The following TMEM266 variants were observed in gnomAD, a reference collection of about 807,000 sequenced individuals.
TMEM266 encodes transmembrane protein 266.
In TMEM266, 33 loss-of-function variants were observed where a neutral mutation model predicts 50.5. The observed-to-expected ratio is 0.65, with a 90% CI of 0.50 to 0.87. TMEM266 has a LOEUF of 0.87. Among genes scored for constraint, TMEM266 ranks in the 40% least tolerant of loss-of-function variants. The pLI is 0.00. For missense variants in TMEM266, 655 were observed against 695.1 expected, an observed-to-expected ratio of 0.94 and a Z score of 0.65; for synonymous variants, 310 against 292.3, an observed-to-expected ratio of 1.06 and a Z score of -0.62.
At chr15:76,130,735 C>T (rs1226521275) in intron 1 of TMEM266, among the ~76,000 whole-genome samples, 1 of 152,094 alleles carries the variant, frequency 6.6e-6, no homozygotes, top group Non-Finnish European at 1.5e-5. Flanking sequence ...GAGTTAATAA[C>T]GTTGACGTTG....
intron 1 of TMEM266, among the ~76,000 whole-genome samples, chr15:76,092,711 T>C (rs933383613): frequency 3.3e-5 from 5 of 151,058 alleles, no homozygotes; most frequent in Admixed American, 3.3e-4. Flanking sequence ...ATAAATAATA[T>C]AGCTAATAGT....
intron 8 of TMEM266, among the ~76,000 whole-genome samples, chr15:76,176,941 A>G (rs939188829): frequency 3.3e-5 from 5 of 152,164 alleles, no homozygotes; most frequent in East Asian, 1.9e-4. Context: ...TGCCAAGTGG[A>G]GTCACCTGTC....
intron 1 of TMEM266, among the ~76,000 whole-genome samples, chr15:76,131,607 T>C (rs1187539111): frequency 6.6e-6 from 1 of 152,206 alleles, no homozygotes; most frequent in Non-Finnish European, 1.5e-5. Context: ...TATGGAATTT[T>C]ATAAGACTTA....
intron 4 of TMEM266, among the ~76,000 whole-genome samples, chr15:76,158,101 C>T (rs1381827712): frequency 1.3e-5 from 2 of 152,218 alleles, no homozygotes; most frequent in African/African-American, 2.4e-5. Flanking sequence ...GATCCAGTCA[C>T]CTCCAAACCC....
At chr15:76,126,514 C>T (rs928021851) in intron 1 of TMEM266, among the ~76,000 whole-genome samples, 4 of 151,194 alleles carry the variant, frequency 2.6e-5, no homozygotes, top group African/African-American at 4.9e-5. Context: ...AAATACTGCA[C>T]GATCTCACTT....
chr15:76,143,616 G>A (rs1023023742), intron 3 of TMEM266, among the ~76,000 whole-genome samples: 4 of 152,046 alleles, frequency 2.6e-5, no homozygotes, highest in Non-Finnish European at 5.9e-5. Context: ...TCGGCCTCCC[G>A]GAGTGCTGGG....
intron 1 of TMEM266, among the ~76,000 whole-genome samples, chr15:76,131,169 G>A (rs529261008): frequency 1.4e-3 from 210 of 152,308 alleles, no homozygotes; most frequent in African/African-American, 4.8e-3. Context: ...CTGAGATCAG[G>A]AGTTCGAGAC....
intron 1 of TMEM266, among the ~76,000 whole-genome samples, chr15:76,072,092 A>G (rs772452135): frequency 5.9e-5 from 9 of 152,062 alleles, no homozygotes; most frequent in Non-Finnish European, 1.3e-4. Context: ...CCACATTCAG[A>G]TGGTTATTAG....
chr15:76,148,605 T>C (rs1242208719), intron 3 of TMEM266, among the ~76,000 whole-genome samples: 2 of 152,166 alleles, frequency 1.3e-5, no homozygotes, highest in Admixed American at 1.3e-4. Context: ...ATGGCAGCCC[T>C]TCTGAGATGT....
At chr15:76,118,817 A>G (rs2142017333) in intron 1 of TMEM266, among the ~76,000 whole-genome samples, 1 of 152,350 alleles carries the variant, frequency 6.6e-6, no homozygotes, top group Admixed American at 6.5e-5. Context: ...GTAGAGTGTC[A>G]TCACGTAGTA....
intron 2 of TMEM266, among the ~76,000 whole-genome samples, chr15:76,136,347 C>T (rs117301981): frequency 0.011 from 1,727 of 152,334 alleles, 18 homozygotes; most frequent in Non-Finnish European, 0.019. Flanking sequence ...CTCCTCCGAT[C>T]TTCTCCATAT....
chr15:76,146,538 A>C (rs1031435299), intron 3 of TMEM266, among the ~76,000 whole-genome samples: 4 of 152,170 alleles, frequency 2.6e-5, no homozygotes, highest in Admixed American at 2.6e-4. Context: ...CATTTCTGCC[A>C]AACTTTACAT....
At chr15:76,090,536 G>T (rs1483260838) in intron 1 of TMEM266, among the ~76,000 whole-genome samples, 2 of 144,942 alleles carry the variant, frequency 1.4e-5, no homozygotes, top group African/African-American at 2.5e-5. Flanking sequence ...GTTGGGAAAA[G>T]AATGCAGAAC....
chr15:76,146,578 G>A (rs1369643119), intron 3 of TMEM266, among the ~76,000 whole-genome samples: 1 of 152,128 alleles, frequency 6.6e-6, no homozygotes, highest in African/African-American at 2.4e-5. Flanking sequence ...TGGGGGCACA[G>A]GGATATTTTT....
chr15:76,153,594 G>T lies in TMEM266; in HGVS notation c.228-3010G>T, dbSNP rs1228091695. Among the ~76,000 whole-genome samples the T allele has an allele frequency of 6.6e-6, 1 of 152,196 alleles. No individual in the cohort carries two copies. The highest frequency in any genetic ancestry group is 1.9e-4 in the East Asian group (1 of 5,190). On this transcript the variant is annotated intron_variant, in intron 3 of 10. Coordinates refer to ENST00000388942, the MANE Select transcript of TMEM266 (RefSeq NM_152335.3). The surrounding 1 kb of genome is among the most constrained non-coding windows in gnomAD (Gnocchi z 4.2). ...GGGCCCTAGAAAAGACCATGCTAGA[G>T]CTGTGGGGGAGGAGTGAGCAGGCAG...
chr15:76,107,577 CTG>C (rs1326036103), intron 1 of TMEM266, among the ~76,000 whole-genome samples: 1 of 152,192 alleles, frequency 6.6e-6, no homozygotes, highest in Non-Finnish European at 1.5e-5. Context: ...GAACCCAACT[CTG>C]AGTCCAGAGC....
rs530333761 is a variant in TMEM266 at position 76,161,060 on chromosome 15, G to A, written c.456+892G>A. On this transcript the variant is annotated intron_variant, in intron 5 of 10. Coordinates refer to ENST00000388942, the MANE Select transcript of TMEM266 (RefSeq NM_152335.3). The surrounding 1 kb of genome is among the most constrained non-coding windows in gnomAD (Gnocchi z 4.1). ...ACTGGAGGGTCACTGAAGGACAGGA[G>A]AGTTTCATGTGGAAAACTGGTTTCT... is the stretch of plus-strand genomic sequence containing the variant. Among the ~76,000 whole-genome samples the A allele has an allele frequency of 5.6e-4, 86 of 152,310 alleles. No homozygotes were observed. Among genetic ancestry groups the A allele is most frequent in the African/African-American group, 2.0e-3 (82 of 41,560 alleles).
At chr15:76,125,039 C>G (rs1404011611) in intron 1 of TMEM266, among the ~76,000 whole-genome samples, 1 of 152,036 alleles carries the variant, frequency 6.6e-6, no homozygotes, top group Non-Finnish European at 1.5e-5. Flanking sequence ...TAAACCCATG[C>G]CTTTATGGTC....
At position 76,161,815 on chromosome 15, in the gene TMEM266, C is replaced by A. The variant is rs8033065; in HGVS notation, c.456+1647C>A. Among the ~76,000 whole-genome samples the A allele has an allele frequency of 1.8e-3, 280 of 152,322 alleles. 1 individual carries two copies. The highest frequency in any genetic ancestry group is 6.3e-3 in the African/African-American group (263 of 41,570). On this transcript the variant is annotated intron_variant, in intron 5 of 10. Transcript: ENST00000388942. The surrounding 1 kb of genome is among the most constrained non-coding windows in gnomAD (Gnocchi z 4.1). Reference sequence around the variant, plus strand: ...CCCTCCCTGGCCTCTTGTCTCTGCCCGGCCAGGATTCCCTCCCGCAAACAC... The same window carrying A: ...CCCTCCCTGGCCTCTTGTCTCTGCCAGGCCAGGATTCCCTCCCGCAAACAC...
Sources: allele counts gnomAD v4.1 joint callset (sites outside exome capture counted in the v4.1 genomes callset), GRCh38; gene constraint gnomAD v4.1.1; non-coding constraint Gnocchi (gnomAD v3.1); transcripts MANE v1.5; gene names NCBI Gene and HGNC (gene_info 2026-07-23, HGNC 2026-07-21).